Variants in ABCA6 observed in about 807,000 individuals in gnomAD.
The protein encoded by ABCA6 is ATP binding cassette subfamily A member 6.
In ABCA6, 164 loss-of-function variants were observed where a neutral mutation model predicts 191.2. That is an observed-to-expected ratio of 0.86 (90% confidence interval 0.76 to 0.98). The LOEUF is 0.98. ABCA6 is among the 50% of genes least tolerant of loss of function. The pLI, the probability that ABCA6 is intolerant of heterozygous loss-of-function variation, is 0.00. For synonymous variants in ABCA6, 636 were observed against 647.7 expected, an observed-to-expected ratio of 0.98 and a Z score of 0.27; for missense variants, 1,958 against 1,894.1, an observed-to-expected ratio of 1.03 and a Z score of -0.63.
chr17:69,133,910 A>G (rs1361199849), intron 5 of ABCA6, 43 bp from the exon 6 acceptor site: 4 of 1,333,784 alleles, frequency 3.0e-6, no homozygotes, highest in Non-Finnish European at 4.1e-6. Context: ...TTTAAAAGAT[A>G]GAAACTGGTG....
In ABCA6 at chr17:69,140,595, T is replaced by G; in HGVS notation, c.96+13A>C. 1.3e-6 allele frequency: 2 copies of G among 1,576,720 alleles called. No homozygotes were observed. The highest frequency in any genetic ancestry group is 1.7e-6 in the Non-Finnish European group (2 of 1,160,524). On this transcript the variant is annotated intron_variant, in intron 2 of 38. Transcript: ENST00000284425. ...AGTGCTAACCGTGGAAAGAGACAAA[T>G]TTTTAAACATACCAATAAGCTCTCT...
chr17:69,132,802 ACTC>A (rs1363580798), intron 6 of ABCA6, among the ~76,000 whole-genome samples: 14 of 151,524 alleles, frequency 9.2e-5, no homozygotes, highest in African/African-American at 3.4e-4. Flanking sequence ...CTTTATTTCT[ACTC>A]CTAATTATTT....
chr17:69,104,197 A>G (rs1208937991), intron 20 of ABCA6: 3 of 152,086 alleles, frequency 2.0e-5, no homozygotes, highest in African/African-American at 7.2e-5. Context: ...AGAAAAGAGG[A>G]ACAAAATGGC....
chr17:69,115,538 C>CATT (rs2073522341), intron 11 of ABCA6, 52 bp from the exon 12 acceptor site: 1 of 1,380,740 alleles, frequency 7.2e-7, no homozygotes, highest in Non-Finnish European at 1.0e-6. Flanking sequence ...AACAGAAAGG[C>CATT]ATTAGACAGG....
chr17:69,081,216 G>T, intron 36 of ABCA6, 71 bp from the exon 37 acceptor site: 3 of 727,734 alleles, frequency 4.1e-6, no homozygotes, highest in African/African-American at 1.8e-5. Context: ...AATAAATATT[G>T]ATATTACCAA....
At chr17:69,082,297 C>T (rs1243901649) in intron 36 of ABCA6, among the ~76,000 whole-genome samples, 1 of 151,070 alleles carries the variant, frequency 6.6e-6, no homozygotes, top group Admixed American at 6.6e-5. Flanking sequence ...CACCTTCTTG[C>T]CCTCCCCCAA....
At position 69,089,568 on chromosome 17, in the gene ABCA6, C is replaced by T. The variant is rs368018264; in HGVS notation, c.3529-26G>A. The T allele has an allele frequency of 1.2e-5, 19 of 1,546,868 alleles. 1 individual carries two copies. In the African/African-American group the frequency reaches 2.3e-4, roughly 19 times the overall value. On this transcript the variant is annotated intron_variant, in intron 26 of 38. Transcript: ENST00000284425. ...CTGAAAAGACAAAACAAAACACACA[C>T]ACACTAATGATAATTCATCTGCTTT...
chr17:69,137,460 A>T lies in ABCA6; in HGVS notation c.137T>A (p.Leu46Gln). 3 of 1,613,722 alleles carry T rather than the reference A, an allele frequency of 1.9e-6. No individual in the cohort carries two copies. Among genetic ancestry groups the T allele is most frequent in the Non-Finnish European group, 2.5e-6 (3 of 1,179,764 alleles). ...LSILLGLCIA[L>Q]FSSSMRNVQF... ...GACATTTCTCATGGAACTGGAAAACAGAGCAATACACAGTCCTAGAAGTAT... is the reference window on the plus strand; with the variant it reads ...GACATTTCTCATGGAACTGGAAAACTGAGCAATACACAGTCCTAGAAGTAT... Residue 46 changes from leucine to glutamine, a missense_variant, in exon 3 of 39, where the codon CTG (leucine) becomes CAG (glutamine). Leu to Gln is a moderately radical substitution (Grantham distance 113, BLOSUM62 -2). Coordinates refer to ENST00000284425, the MANE Select transcript of ABCA6 (RefSeq NM_080284.3).
At chr17:69,103,072 C>G in intron 20 of ABCA6, 104 bp from the exon 21 acceptor site, 3 of 667,458 alleles carry the variant, frequency 4.5e-6, no homozygotes, top group Non-Finnish European at 4.8e-6. Context: ...TTATGGAATA[C>G]TATGTATAAA....
At chr17:69,109,171 G>T (rs1446076789) in intron 17 of ABCA6, 2 of 144,622 alleles carry the variant, frequency 1.4e-5, no homozygotes, top group African/African-American at 5.5e-5. Flanking sequence ...TTTAAGGTAG[G>T]TCTATAGGGA....
At chr17:69,086,295 A>T (rs1424161030) in intron 30 of ABCA6, among the ~76,000 whole-genome samples, 1 of 152,128 alleles carries the variant, frequency 6.6e-6, no homozygotes, top group East Asian at 1.9e-4. Flanking sequence ...GCTGTACCTA[A>T]TCTGGCGCTG....
intron 25 of ABCA6, 81 bp downstream of exon 25, chr17:69,096,159 A>T: frequency 1.6e-6 from 1 of 608,518 alleles, no homozygotes; most frequent in Non-Finnish European, 2.5e-6. Flanking sequence ...TACTGTCTTA[A>T]GGCAGACATC....
chr17:69,130,068 C>T (rs2073834435), intron 6 of ABCA6, among the ~76,000 whole-genome samples: 3 of 152,076 alleles, frequency 2.0e-5, no homozygotes, highest in African/African-American at 7.2e-5. Context: ...GTAATTTCAG[C>T]ACTTTGGGAG....
At chr17:69,084,948 G>A in intron 32 of ABCA6, 80 bp downstream of exon 32, 1 of 1,479,796 alleles carries the variant, frequency 6.8e-7, no homozygotes, top group African/African-American at 1.4e-5. Context: ...TTGACTCTCG[G>A]TTCTTTATTA....
intron 16 of ABCA6, 76 bp from the exon 17 acceptor site, chr17:69,111,016 C>A: frequency 3.6e-6 from 5 of 1,393,194 alleles, no homozygotes; most frequent in South Asian, 1.5e-5. Context: ...TAATTGAACA[C>A]CTAGCTGTTG....
rs2073507171 is a variant in ABCA6, at chr17:69,114,897, T to C, written c.1647A>G (p.Gln549=). Residue 549 remains glutamine, a synonymous_variant, in exon 13 of 39, where the codon CAA becomes CAG. Transcript: ENST00000284425. The part of the protein sequence containing the change: ...TIYNKNLSEM[Q]DLEEIRKITG... ...TTATCTTTCTGATTTCCTCCAAGTC[T>C]TGCATTTCAGAGAGATTTTTATTAT... 6.2e-7 allele frequency: 1 copy of C among 1,611,960 alleles called. No individual in the cohort carries two copies.
At chr17:69,124,237 A>G (rs2073706274) in intron 9 of ABCA6, among the ~76,000 whole-genome samples, 1 of 152,036 alleles carries the variant, frequency 6.6e-6, no homozygotes, top group East Asian at 1.9e-4. Context: ...AGACAGGAAT[A>G]TATACAAGTA....
chr17:69,139,707 A>T (rs1434175340), intron 2 of ABCA6, among the ~76,000 whole-genome samples: 1 of 152,144 alleles, frequency 6.6e-6, no homozygotes, highest in African/African-American at 2.4e-5. Flanking sequence ...CAAATGTCCG[A>T]CAATGATAGA....
intron 16 of ABCA6, chr17:69,111,918 G>T (rs1021251823): frequency 3.0e-6 from 1 of 337,840 alleles, no homozygotes; most frequent in South Asian, 5.5e-5. Flanking sequence ...GGTTTAGGCT[G>T]CACAGAACAG....
Sources: allele counts gnomAD v4.1 joint callset (sites outside exome capture counted in the v4.1 genomes callset), GRCh38; gene constraint gnomAD v4.1.1; transcripts MANE v1.5; gene names NCBI Gene and HGNC (gene_info 2026-07-23, HGNC 2026-07-21).